The following TBC1D5 variants were observed in gnomAD, a reference collection of about 807,000 sequenced individuals.
TBC1D5 encodes TBC1 domain family, member 5.
In TBC1D5, 75 loss-of-function variants were observed where a neutral mutation model predicts 100.3. The observed-to-expected ratio is 0.75, with a 90% CI of 0.62 to 0.91. TBC1D5 has a LOEUF of 0.91. TBC1D5 is among the 40% of genes least tolerant of loss of function. The pLI is 0.00. For synonymous variants in TBC1D5, 323 were observed against 325.6 expected (o/e 0.99, Z 0.09); for missense variants, 910 against 942.4 (o/e 0.97, Z 0.45).
At chr3:17,180,612 A>G (rs997581116) in intron 19 of TBC1D5, among the ~76,000 whole-genome samples, 1 of 152,234 alleles carries the variant, frequency 6.6e-6, no homozygotes. Context: ...GAATGAAATC[A>G]TGTCTTCTGC....
chr3:17,602,442 T>G (rs545853636), intron 2 of TBC1D5, among the ~76,000 whole-genome samples: 1 of 152,122 alleles, frequency 6.6e-6, no homozygotes, highest in African/African-American at 2.4e-5. Flanking sequence ...AAAATGTAGA[T>G]AGCTAAGCTC....
chr3:17,161,331 C>T (rs190097245), intron 21 of TBC1D5, 75 bp from the exon 23 acceptor site: 225 of 1,490,628 alleles, frequency 1.5e-4, no homozygotes, highest in Non-Finnish European at 6.1e-5. Context: ...GCCCTGTGAA[C>T]TGGGGGACTC....
chr3:17,376,638 G>A, intron 9 of TBC1D5, 25 bp from the exon 10 acceptor site: 1 of 1,597,532 alleles, frequency 6.3e-7, no homozygotes, highest in East Asian at 2.2e-5. Context: ...CCAGAAAAAT[G>A]AAAGAGATGG....
intron 15 of TBC1D5, among the ~76,000 whole-genome samples, chr3:17,261,412 G>C (rs892514519): frequency 2.9e-5 from 4 of 137,956 alleles, no homozygotes; most frequent in African/African-American, 8.0e-5. Flanking sequence ...TTAAATGAGC[G>C]GAATTCTCAC....
At chr3:17,622,049 T>C (rs763022808) in intron 2 of TBC1D5, among the ~76,000 whole-genome samples, 13 of 152,294 alleles carry the variant, frequency 8.5e-5, no homozygotes, top group East Asian at 1.9e-4. Flanking sequence ...ACCAACCTTT[T>C]TGGCACCAGG....
chr3:17,539,660 AC>A (rs2096328116), intron 2 of TBC1D5, among the ~76,000 whole-genome samples: 3 of 151,806 alleles, frequency 2.0e-5, no homozygotes, highest in South Asian at 4.2e-4. Context: ...ATGCCTGATC[AC>A]CCCCTCCCCA....
intron 14 of TBC1D5, among the ~76,000 whole-genome samples, chr3:17,295,182 G>C (rs964624677): frequency 2.6e-5 from 4 of 152,134 alleles, no homozygotes; most frequent in Non-Finnish European, 5.9e-5. Flanking sequence ...TAAAAGCAAA[G>C]GTAAGTAGTA....
chr3:17,447,174 G>A (rs923041836), intron 3 of TBC1D5, among the ~76,000 whole-genome samples: 1 of 152,288 alleles, frequency 6.6e-6, no homozygotes, highest in Non-Finnish European at 1.5e-5. Context: ...AGTAGAATGA[G>A]TGACAGTCAC....
chr3:17,404,135 G>T (rs73156391), intron 7 of TBC1D5, among the ~76,000 whole-genome samples: 13,866 of 152,020 alleles, frequency 0.091, 1,426 homozygotes, highest in African/African-American at 0.26. Context: ...TAACACTATG[G>T]ATTAAATGGA....
chr3:17,200,494 A>C (rs561985621), intron 18 of TBC1D5, among the ~76,000 whole-genome samples: 4 of 152,332 alleles, frequency 2.6e-5, no homozygotes, highest in African/African-American at 9.6e-5. Context: ...CCTTATGAGA[A>C]TCTAATGTCT....
chr3:17,538,174 C>A (rs1026817286), intron 2 of TBC1D5, among the ~76,000 whole-genome samples: 3 of 151,984 alleles, frequency 2.0e-5, no homozygotes, highest in Admixed American at 2.0e-4. Flanking sequence ...GACTGTCAGG[C>A]GACCATGAGG....
At chr3:17,188,598 A>G (rs532138677) in intron 18 of TBC1D5, among the ~76,000 whole-genome samples, 70 of 152,322 alleles carry the variant, frequency 4.6e-4, no homozygotes, top group African/African-American at 1.6e-3. Context: ...CCCTTCAACT[A>G]TCACTCAGAC....
At chr3:17,618,780 T>C (rs1416967167) in intron 2 of TBC1D5, among the ~76,000 whole-genome samples, 1 of 152,034 alleles carries the variant, frequency 6.6e-6, no homozygotes, top group Non-Finnish European at 1.5e-5. Flanking sequence ...TGGGTGGGAG[T>C]GTCCCGTTTT....
chr3:17,376,667 T>A, intron 9 of TBC1D5, 54 bp from the exon 10 acceptor site: 6 of 1,523,808 alleles, frequency 3.9e-6, no homozygotes, highest in Non-Finnish European at 5.4e-6. Flanking sequence ...AGTCCATTAG[T>A]GGACAGTATA....
At chr3:17,346,715 C>T (rs545307590) in intron 13 of TBC1D5, among the ~76,000 whole-genome samples, 28 of 152,200 alleles carry the variant, frequency 1.8e-4, no homozygotes, top group Non-Finnish European at 3.4e-4. Flanking sequence ...TTTCCTTTCA[C>T]GTTTAATTCT....
chr3:17,229,123 G>C (rs1433729726), intron 17 of TBC1D5, among the ~76,000 whole-genome samples: 2 of 152,104 alleles, frequency 1.3e-5, no homozygotes, highest in Non-Finnish European at 2.9e-5. Context: ...ATGTTCAGGA[G>C]GTCTACGGGG....
At chr3:17,684,558 C>A (rs1359775984) in intron 1 of TBC1D5, among the ~76,000 whole-genome samples, 1 of 152,046 alleles carries the variant, frequency 6.6e-6, no homozygotes, top group African/African-American at 2.4e-5. Flanking sequence ...ATTCATTAAA[C>A]CCTTTCAATA....
intron 8 of TBC1D5, among the ~76,000 whole-genome samples, chr3:17,390,105 G>A (rs939187035): frequency 2.0e-5 from 3 of 152,098 alleles, no homozygotes; most frequent in Non-Finnish European, 4.4e-5. Context: ...TACTAATTCT[G>A]TAACAGAAGT....
At chr3:17,534,615 C>T (rs2096265643) in intron 2 of TBC1D5, among the ~76,000 whole-genome samples, 1 of 152,102 alleles carries the variant, frequency 6.6e-6, no homozygotes, top group Non-Finnish European at 1.5e-5. Context: ...CAGCATTTAA[C>T]AAGATAAAGA....
Sources: allele counts gnomAD v4.1 joint callset (sites outside exome capture counted in the v4.1 genomes callset), GRCh38; gene constraint gnomAD v4.1.1; transcripts MANE v1.5; gene names NCBI Gene and HGNC (gene_info 2026-07-23, HGNC 2026-07-21).